Variants in RPL28 observed in about 807,000 individuals in gnomAD.
The protein encoded by RPL28 is ribosomal protein L28.
A neutral mutation model predicts 12.5 loss-of-function variants in RPL28; 4 were observed. That is an observed-to-expected ratio of 0.32 (90% confidence interval 0.16 to 0.73). The LOEUF (loss-of-function observed/expected upper bound fraction) is 0.73. Ranked by LOEUF, RPL28 falls within the 30% of genes least tolerant of loss-of-function variation. RPL28 has a pLI of 0.66. For missense variants in RPL28, 214 were observed against 197.7 expected, an observed-to-expected ratio of 1.08 and a Z score of -0.49; for synonymous variants, 91 against 72.5, an observed-to-expected ratio of 1.26 and a Z score of -1.30.
chr19:55,401,583 G>C, intron 4 of RPL28: 1 of 1,609,296 alleles, frequency 6.2e-7, no homozygotes, highest in Non-Finnish European at 8.5e-7. Context: ...AAGCTTCAGT[G>C]CCACTGGCCA....
At chr19:55,395,948 C>T (rs571632566), downstream of RPL28, among the ~76,000 whole-genome samples, 4 of 152,218 alleles carry the variant, frequency 2.6e-5, no homozygotes, top group African/African-American at 9.6e-5. Context: ...GGTAGTGTCC[C>T]ATACAAGGCA....
chr19:55,390,717 G>A lies in RPL28; in HGVS notation c.*2385G>A, dbSNP rs2089982133. On this transcript the variant is annotated 3_prime_UTR_variant, in exon 5 of 5. Transcript: ENST00000344063. Reference sequence around the variant, plus strand: ...GGGTGGCCAGCCTGTCTGTGTGGCTGGGCTGGGGAGGCCACGTCTGGTATC... The same window carrying A: ...GGGTGGCCAGCCTGTCTGTGTGGCTAGGCTGGGGAGGCCACGTCTGGTATC... 2 of 985,414 alleles carry A rather than the reference G, an allele frequency of 2.0e-6. No individual in the cohort carries two copies. Among genetic ancestry groups the A allele is most frequent in the Non-Finnish European group, 2.4e-6 (2 of 829,942 alleles). The allele number at this position is 985,414 out of a possible 1,614,324, so 61.0% of individuals were successfully genotyped here.
At chr19:55,393,731 C>A (rs1265318357), downstream of RPL28, among the ~76,000 whole-genome samples, 1 of 151,592 alleles carries the variant, frequency 6.6e-6, no homozygotes, top group Non-Finnish European at 1.5e-5. Context: ...TCACTGCAAC[C>A]TCCACCTCCT....
At chr19:55,386,811 C>T (rs765177676) in intron 3 of RPL28, 118 bp downstream of exon 3, 2 of 1,600,500 alleles carry the variant, frequency 1.2e-6, no homozygotes, top group Non-Finnish European at 1.7e-6. Context: ...TCCCTGGCGC[C>T]AGGGTGTTGG....
intron 4 of RPL28, chr19:55,401,783 T>C (rs762238125): frequency 1.9e-6 from 3 of 1,612,338 alleles, no homozygotes; most frequent in Admixed American, 1.7e-5. Context: ...AGGCTCAGGG[T>C]CACAGTGGGT....
At position 55,386,362 on chromosome 19, in the gene RPL28, C is replaced by A; in HGVS notation, c.5C>A (p.Ser2Tyr). M[S>Y]AHLQWMVVRN... ...CGTTTCCCCGCAGCCGCCGCCATGT[C>A]TGCGCATCTGCAATGGATGGTCGTG... is the stretch of plus-strand genomic sequence containing the variant. The change falls in exon 2 of 5, where the codon TCT becomes TAT. Residue 2 changes from serine (S) to tyrosine (Y), a missense_variant. Physicochemically the swap from Ser to Tyr is moderately radical, Grantham distance 144. Coordinates refer to ENST00000344063, the MANE Select transcript of RPL28 (RefSeq NM_000991.5). The A allele has an allele frequency of 6.2e-7, 1 of 1,614,012 alleles. No individual in the cohort carries two copies. The highest frequency in any genetic ancestry group is 8.5e-7 in the Non-Finnish European group (1 of 1,179,998).
downstream of RPL28, among the ~76,000 whole-genome samples, chr19:55,394,693 T>C (rs1425993287): frequency 6.6e-6 from 1 of 152,154 alleles, no homozygotes; most frequent in Non-Finnish European, 1.5e-5. Context: ...CACCTCAGTC[T>C]CCAGAGAGGC....
At chr19:55,396,674 G>A (rs1483639718), downstream of RPL28, among the ~76,000 whole-genome samples, 5 of 141,020 alleles carry the variant, frequency 3.5e-5, no homozygotes, top group East Asian at 2.3e-4. Context: ...TCCACCTCCC[G>A]GGTTCACGCC....
chr19:55,386,254 G>T, intron 1 of RPL28, 96 bp from the exon 2 acceptor site: 1 of 1,165,454 alleles, frequency 8.6e-7, no homozygotes, highest in Non-Finnish European at 1.2e-6. Flanking sequence ...CAAGTTCCCA[G>T]TCGCTCTCTT....
At chr19:55,387,601 A>T in intron 3 of RPL28, 1 of 1,402,768 alleles carries the variant, frequency 7.1e-7, no homozygotes, top group Non-Finnish European at 9.2e-7. Context: ...GAAGCTGTTC[A>T]TACCCATTGC....
chr19:55,401,862 CCCAACT>C, intron 4 of RPL28: 2 of 1,279,032 alleles, frequency 1.6e-6, no homozygotes, highest in South Asian at 1.3e-5. Flanking sequence ...TCCTTCTGCT[CCCAACT>C]CAGCTGCAGA....
In RPL28 at chr19:55,388,853, C is replaced by T; in HGVS notation, c.*521C>T. The T allele has an allele frequency of 1.0e-6, 1 of 986,452 alleles. No homozygotes were observed. The highest frequency in any genetic ancestry group is 1.7e-5 in the African/African-American group (1 of 57,386). The allele number at this position is 986,452 out of a possible 1,614,324, so 61.1% of individuals were successfully genotyped here. A position where few individuals can be genotyped will look rare whatever the true frequency, so the allele number is the denominator to read the frequency against. ...TGGAGGGGATGGGCTTTACTTGATG[C>T]AACCTCATCTCTGAGATGGGCAACT... is the stretch of plus-strand genomic sequence containing the variant. On this transcript the variant is annotated 3_prime_UTR_variant, in exon 5 of 5. Coordinates refer to ENST00000344063, the MANE Select transcript of RPL28 (RefSeq NM_000991.5).
intron 4 of RPL28, chr19:55,399,900 C>G (rs2090045039): frequency 6.6e-6 from 1 of 152,160 alleles, no homozygotes; most frequent in African/African-American, 2.4e-5. Flanking sequence ...TCTTGGATGG[C>G]CAGTGATGTG....
At position 55,386,786 on chromosome 19, in the gene RPL28, C is replaced by G. The variant is rs746390024; in HGVS notation, c.205+93C>G. The G allele has an allele frequency of 9.9e-6, 16 of 1,610,674 alleles. No homozygotes were observed. The African/African-American group carries it at 2.1e-4, about 22-fold the overall frequency. On this transcript the variant is annotated intron_variant, in intron 3 of 4. Coordinates refer to ENST00000344063, the MANE Select transcript of RPL28 (RefSeq NM_000991.5). ...TGTCAGGCAGGAAGAGCGGTAACTG[C>G]CATCGCGGCGGGCATCCCTGGCGCC...
Position 55,389,457 on chromosome 19 carries a change from T to C in RPL28, c.*1125T>C, listed in dbSNP as rs1248753526. The C allele has an allele frequency of 1.4e-5, 14 of 985,446 alleles. No individual in the cohort carries two copies. The highest frequency in any genetic ancestry group is 1.6e-5 in the Non-Finnish European group (13 of 829,966). 61.0% of individuals were successfully genotyped at this position (985,446 alleles called of 1,614,324 possible). ...CCAGGGACCAAGGATCCAGCATCCA[T>C]GGCACCCCTGGTTCCTGCCATCCTG... On this transcript the variant is annotated 3_prime_UTR_variant, in exon 5 of 5. Coordinates refer to ENST00000344063, the MANE Select transcript of RPL28 (RefSeq NM_000991.5).
chr19:55,387,404 C>G, intron 3 of RPL28: 3 of 1,547,892 alleles, frequency 1.9e-6, no homozygotes, highest in Non-Finnish European at 2.6e-6. Flanking sequence ...GACACGTAGT[C>G]CAGGGAGCAG....
At chr19:55,386,875 G>T (rs949846703) in intron 3 of RPL28, 182 bp downstream of exon 3, 6 of 1,543,528 alleles carry the variant, frequency 3.9e-6, no homozygotes, top group Non-Finnish European at 4.4e-6. Context: ...AGCCGCGCGC[G>T]TCTGAGCCCG....
chr19:55,395,501 T>C (rs541241867), downstream of RPL28, among the ~76,000 whole-genome samples: 764 of 150,088 alleles, frequency 5.1e-3, 5 homozygotes, highest in African/African-American at 0.018. Flanking sequence ...TGGAGTGCAG[T>C]GGCGCCATCT....
At position 55,391,489 on chromosome 19, in the gene RPL28, G is replaced by A. The variant is rs2089989257; in HGVS notation, c.*3157G>A. Reference sequence around the variant, plus strand: ...GCTGCCAAGCCCAAAGTTGTGCAGAGCGCTGGGGACTCCAGACTCCCCACA... The same window carrying A: ...GCTGCCAAGCCCAAAGTTGTGCAGAACGCTGGGGACTCCAGACTCCCCACA... On this transcript the variant is annotated 3_prime_UTR_variant, in exon 5 of 5. Transcript: ENST00000344063. The A allele has an allele frequency of 2.8e-6, 4 of 1,429,830 alleles. No homozygotes were observed. The highest frequency in any genetic ancestry group is 3.7e-6 in the Non-Finnish European group (4 of 1,078,844). 88.6% of individuals were successfully genotyped at this position (1,429,830 alleles called of 1,614,324 possible).
Sources: gnomAD v4.1 joint callset for allele counts (sites outside exome capture counted in the v4.1 genomes callset) on GRCh38, gnomAD v4.1.1 for gene constraint, MANE v1.5 for transcripts, NCBI Gene and HGNC (gene_info 2026-07-23, HGNC 2026-07-21) for gene names.